MAP4K3: variants seen among roughly 807,000 people sequenced by gnomAD.
MAP4K3 encodes the protein mitogen-activated protein kinase kinase kinase kinase 3.
Under a neutral mutation model 143.5 loss-of-function variants are expected in MAP4K3, and 94 were observed. The observed-to-expected ratio is 0.65, with a 90% CI of 0.55 to 0.78. MAP4K3 has a LOEUF of 0.78. Among genes scored for constraint, MAP4K3 ranks in the 30% least tolerant of loss-of-function variants. The pLI is 0.00. For missense variants in MAP4K3, 1,077 were observed against 1,068.1 expected, an observed-to-expected ratio of 1.01 and a Z score of -0.12; for synonymous variants, 416 against 347.2, an observed-to-expected ratio of 1.20 and a Z score of -2.20.
intron 1 of MAP4K3, among the ~76,000 whole-genome samples, chr2:39,385,583 T>TATATAC (rs1553422498): frequency 1.7e-4 from 13 of 77,250 alleles, no homozygotes; most frequent in African/African-American, 4.3e-4. Context: ...TATATATATA[T>TATATAC]ATATATATAT....
chr2:39,356,432 T>C, intron 2 of MAP4K3, 93 bp from the exon 3 acceptor site: 1 of 704,710 alleles, frequency 1.4e-6, no homozygotes, highest in Non-Finnish European at 2.5e-6. Flanking sequence ...TACGTATTAA[T>C]AAGTATAACA....
intron 22 of MAP4K3, among the ~76,000 whole-genome samples, chr2:39,282,284 G>A (rs1180135505): frequency 2.0e-5 from 3 of 151,934 alleles, no homozygotes; most frequent in Non-Finnish European, 2.9e-5. Flanking sequence ...GATCACTTGA[G>A]GCCAGGAATT....
intron 1 of MAP4K3, among the ~76,000 whole-genome samples, chr2:39,409,641 A>C (rs1667185662): frequency 6.6e-6 from 1 of 152,252 alleles, no homozygotes. Flanking sequence ...GTATGCAGAG[A>C]ACAGAAATCG....
At chr2:39,286,051 C>A (rs897728296) in intron 21 of MAP4K3, among the ~76,000 whole-genome samples, 2 of 152,180 alleles carry the variant, frequency 1.3e-5, no homozygotes, top group African/African-American at 4.8e-5. Context: ...AATGTCACTA[C>A]TTATGTAATC....
intron 1 of MAP4K3, among the ~76,000 whole-genome samples, chr2:39,419,111 G>C (rs941185929): frequency 6.6e-6 from 1 of 151,968 alleles, no homozygotes; most frequent in Non-Finnish European, 1.5e-5. Flanking sequence ...TATATAGTAA[G>C]TGAAATATTT....
chr2:39,398,389 G>A (rs1016566136), intron 1 of MAP4K3, among the ~76,000 whole-genome samples: 2 of 151,974 alleles, frequency 1.3e-5, no homozygotes, highest in African/African-American at 4.8e-5. Flanking sequence ...AGGGTGCAAA[G>A]TATTAGTGTG....
At chr2:39,267,931 G>C (rs1292081949) in intron 26 of MAP4K3, among the ~76,000 whole-genome samples, 1 of 152,118 alleles carries the variant, frequency 6.6e-6, no homozygotes, top group Non-Finnish European at 1.5e-5. Flanking sequence ...TACTGAATTA[G>C]TAACTTTGGT....
At chr2:39,321,570 C>G (rs11692422) in intron 12 of MAP4K3, among the ~76,000 whole-genome samples, 53,245 of 151,998 alleles carry the variant, frequency 0.35, 11,542 homozygotes, top group East Asian at 0.76. Flanking sequence ...TCCCCCAGCC[C>G]GACACCCATA....
Position 39,325,596 on chromosome 2 carries a change from A to C in MAP4K3, c.840T>G (p.Ser280=), listed in dbSNP as rs1292159861. The change falls in exon 12 of 34, where the codon TCT becomes TCG. Residue 280 remains serine (S), a synonymous_variant. Coordinates refer to ENST00000263881, the MANE Select transcript of MAP4K3 (RefSeq NM_003618.4). ...HPFVTQHLTR[S]LAIELLDKVN... ...CTTTATCCAACAGCTCGATTGCCAA[A>C]GACCGTGTCAAATGTTGTGTTACAA... 1.2e-6 allele frequency: 2 copies of C among 1,613,348 alleles called. No homozygotes were observed. The highest frequency in any genetic ancestry group is 1.7e-6 in the Non-Finnish European group (2 of 1,179,700).
At chr2:39,411,836 T>C (rs1667240341) in intron 1 of MAP4K3, among the ~76,000 whole-genome samples, 1 of 152,212 alleles carries the variant, frequency 6.6e-6, no homozygotes, top group South Asian at 2.1e-4. Flanking sequence ...AATGGCTACA[T>C]ATCTACATGG....
intron 4 of MAP4K3, among the ~76,000 whole-genome samples, chr2:39,343,157 T>G (rs1665188337): frequency 6.6e-6 from 1 of 152,220 alleles, no homozygotes; most frequent in African/African-American, 2.4e-5. Context: ...ATGACTACAA[T>G]ATGCCTCTGC....
At chr2:39,349,003 A>C (rs1665374873) in intron 3 of MAP4K3, among the ~76,000 whole-genome samples, 2 of 152,192 alleles carry the variant, frequency 1.3e-5, no homozygotes, top group African/African-American at 4.8e-5. Context: ...ACTGAGGATC[A>C]GCAACTCTCT....
Position 39,304,614 on chromosome 2 carries a change from G to T in MAP4K3, c.1119+3329C>A, listed in dbSNP as rs116372331. 6.4e-3 allele frequency among the ~76,000 whole-genome samples: 975 copies of T among 152,302 alleles called. 11 individuals carry two copies. The highest frequency in any genetic ancestry group is 0.022 in the African/African-American group (934 of 41,556). ...GGAGAAAGTAGAAGTCATGTGCATCGCTGGTGGGAATGTAAAATGTTGCAG... is the reference window on the plus strand; with the variant it reads ...GGAGAAAGTAGAAGTCATGTGCATCTCTGGTGGGAATGTAAAATGTTGCAG... On this transcript the variant is annotated intron_variant, in intron 15 of 33. Coordinates refer to ENST00000263881, the MANE Select transcript of MAP4K3 (RefSeq NM_003618.4).
intron 33 of MAP4K3, among the ~76,000 whole-genome samples, chr2:39,251,565 T>C (rs571871919): frequency 6.6e-6 from 1 of 152,348 alleles, no homozygotes; most frequent in African/African-American, 2.4e-5. Context: ...CATTAACATA[T>C]GGTATTTCCT....
At position 39,395,001 on chromosome 2, in the gene MAP4K3, CAAG is replaced by C. The variant is rs536005317; in HGVS notation, c.97-16881_97-16879del. ...CTTAACATCTGAAACAAAAATGGAA[CAAG>C]AGAATGATTCCACTATGACAGCAAT... On this transcript the variant is annotated intron_variant, in intron 1 of 33. Transcript: ENST00000263881. 1.0e-3 allele frequency among the ~76,000 whole-genome samples: 157 copies of C among 152,086 alleles called. 1 individual carries two copies. Among genetic ancestry groups the C allele is most frequent in the African/African-American group, 3.4e-3 (142 of 41,492 alleles).
At chr2:39,299,577 A>G (rs1251919159) in intron 16 of MAP4K3, among the ~76,000 whole-genome samples, 166 bp downstream of exon 16, 2 of 152,208 alleles carry the variant, frequency 1.3e-5, no homozygotes, top group Admixed American at 6.5e-5. Flanking sequence ...TAGGACAACT[A>G]TTAACTAAAT....
chr2:39,282,678 C>T (rs2148467857), intron 21 of MAP4K3, 124 bp from the exon 22 acceptor site: 2 of 664,892 alleles, frequency 3.0e-6, no homozygotes, highest in Admixed American at 3.0e-5. Flanking sequence ...CAAAACATTA[C>T]AGTTAAGGCT....
At chr2:39,418,396 G>C (rs554426261) in intron 1 of MAP4K3, among the ~76,000 whole-genome samples, 3 of 152,214 alleles carry the variant, frequency 2.0e-5, no homozygotes, top group East Asian at 3.9e-4. Flanking sequence ...ATACATAAAT[G>C]AGGACAAAGA....
chr2:39,415,980 A>AAAAAAAAAAAT (rs1553318573), intron 1 of MAP4K3, among the ~76,000 whole-genome samples: 3 of 14,754 alleles, frequency 2.0e-4, no homozygotes, highest in East Asian at 2.5e-3. Flanking sequence ...AAAAAAAAAA[A>AAAAAAAAAAAT]ATATATATAT....
Sources: allele counts gnomAD v4.1 joint callset (sites outside exome capture counted in the v4.1 genomes callset), GRCh38; gene constraint gnomAD v4.1.1; transcripts MANE v1.5; gene names NCBI Gene and HGNC (gene_info 2026-07-23, HGNC 2026-07-21).